Variants in ITPR1 observed in about 807,000 individuals in gnomAD.
The protein encoded by ITPR1 is inositol 1,4,5-trisphosphate receptor type 1.
A neutral mutation model predicts 318.4 loss-of-function variants in ITPR1; 96 were observed. The ratio of observed to expected loss-of-function variants is 0.30; its 90% CI spans 0.26 to 0.36. The LOEUF is 0.36. Ranked by LOEUF, ITPR1 falls within the 10% of genes least tolerant of loss-of-function variation. The pLI, the probability that ITPR1 is intolerant of heterozygous loss-of-function variation, is 1.00. For missense variants in ITPR1, 2,440 were observed against 3,460.2 expected, an observed-to-expected ratio of 0.71 and a Z score of 7.40; for synonymous variants, 1,312 against 1,289.9, an observed-to-expected ratio of 1.02 and a Z score of -0.37.
chr3:4,714,591 C>G (rs1398289240), intron 39 of ITPR1, among the ~76,000 whole-genome samples: 1 of 152,176 alleles, frequency 6.6e-6, no homozygotes, highest in Non-Finnish European at 1.5e-5. Context: ...CTGGGTTTCC[C>G]AAATCCCTGT....
intron 24 of ITPR1, among the ~76,000 whole-genome samples, chr3:4,677,302 T>C (rs2094204307): frequency 6.6e-6 from 1 of 152,186 alleles, no homozygotes; most frequent in African/African-American, 2.4e-5. Flanking sequence ...AGAATTTACA[T>C]TTTGATAGAG....
At chr3:4,674,112 G>A in intron 21 of ITPR1, 90 bp from the exon 22 acceptor site, 1 of 987,750 alleles carries the variant, frequency 1.0e-6, no homozygotes, top group Non-Finnish European at 1.5e-6. Context: ...AAGGGTTAGG[G>A]GATGTTGACT....
At chr3:4,844,208 C>T (rs2051584343) in intron 61 of ITPR1, among the ~76,000 whole-genome samples, 1 of 151,504 alleles carries the variant, frequency 6.6e-6, no homozygotes, top group Non-Finnish European at 1.5e-5. Flanking sequence ...GCAACCTCCA[C>T]CTGCCAGGAT....
intron 46 of ITPR1, among the ~76,000 whole-genome samples, chr3:4,770,647 A>G (rs1317148728): frequency 6.6e-6 from 1 of 152,156 alleles, no homozygotes; most frequent in Non-Finnish European, 1.5e-5. Context: ...CCCTGTCGCC[A>G]TCTGAGTGTG....
intron 4 of ITPR1, among the ~76,000 whole-genome samples, chr3:4,610,994 TCCTTC>T (rs1262601853): frequency 5.3e-4 from 44 of 83,556 alleles, no homozygotes; most frequent in African/African-American, 1.9e-3. Flanking sequence ...CTTCTCCTTC[TCCTTC>T]CCTTCCCTTC....
chr3:4,658,409 A>G (rs2125184850), intron 13 of ITPR1, 131 bp downstream of exon 13: 1 of 742,476 alleles, frequency 1.3e-6, no homozygotes, highest in Admixed American at 3.0e-5. Flanking sequence ...AAAGGTTTGC[A>G]CTGACTGCCC....
At chr3:4,575,305 A>T (rs570961940) in intron 4 of ITPR1, among the ~76,000 whole-genome samples, 1 of 152,358 alleles carries the variant, frequency 6.6e-6, no homozygotes, top group Non-Finnish European at 1.5e-5. Context: ...AATGGGATTT[A>T]TCTATCATCT....
At chr3:4,843,083 T>TC (rs1423920243) in intron 61 of ITPR1, among the ~76,000 whole-genome samples, 1 of 149,510 alleles carries the variant, frequency 6.7e-6, no homozygotes, top group Non-Finnish European at 1.5e-5. Flanking sequence ...GGTTTTTTTT[T>TC]TTTTTTTTTT....
intron 3 of ITPR1, among the ~76,000 whole-genome samples, chr3:4,518,001 T>C (rs971493708): frequency 3.9e-5 from 6 of 152,240 alleles, no homozygotes; most frequent in African/African-American, 1.4e-4. Flanking sequence ...TCATCATTGC[T>C]GTTTGTGGAG....
At chr3:4,707,999 G>A (rs2094794887) in intron 37 of ITPR1, among the ~76,000 whole-genome samples, 1 of 152,164 alleles carries the variant, frequency 6.6e-6, no homozygotes, top group Admixed American at 6.5e-5. Context: ...AAAATGGTGA[G>A]AGGGACAAGT....
At chr3:4,684,210 T>C in intron 28 of ITPR1, 71 bp from the exon 29 acceptor site, 3 of 973,022 alleles carry the variant, frequency 3.1e-6, no homozygotes, top group Non-Finnish European at 4.9e-6. Context: ...TAAAGGTCGA[T>C]GCTAACTGTA....
At chr3:4,752,616 T>G (rs1276041286) in intron 44 of ITPR1, among the ~76,000 whole-genome samples, 1 of 152,118 alleles carries the variant, frequency 6.6e-6, no homozygotes, top group Non-Finnish European at 1.5e-5. Context: ...TTGGCTTGAG[T>G]GTTTCGGAAT....
chr3:4,542,789 G>A (rs2084589006), intron 4 of ITPR1, among the ~76,000 whole-genome samples: 1 of 152,122 alleles, frequency 6.6e-6, no homozygotes, highest in South Asian at 2.1e-4. Context: ...CATAATGGAA[G>A]GTTATTAGGT....
At chr3:4,657,523 G>C (rs564170839) in intron 12 of ITPR1, among the ~76,000 whole-genome samples, 1 of 150,024 alleles carries the variant, frequency 6.7e-6, no homozygotes, top group African/African-American at 2.5e-5. Flanking sequence ...GCTGAAATGC[G>C]GTGGCGCGAT....
intron 60 of ITPR1, among the ~76,000 whole-genome samples, chr3:4,834,242 A>G (rs921742549): frequency 1.3e-5 from 2 of 152,154 alleles, no homozygotes; most frequent in African/African-American, 4.8e-5. Context: ...AATTGTAAGC[A>G]CTTTGATGGC....
chr3:4,834,091 C>A (rs894437401), intron 60 of ITPR1, among the ~76,000 whole-genome samples: 1 of 152,138 alleles, frequency 6.6e-6, no homozygotes, highest in Admixed American at 6.5e-5. Context: ...TGGAGTCTCA[C>A]TCTATTGCCC....
chr3:4,642,507 AC>A (rs916712741), intron 7 of ITPR1, among the ~76,000 whole-genome samples: 1 of 152,222 alleles, frequency 6.6e-6, no homozygotes, highest in African/African-American at 2.4e-5. Flanking sequence ...TAGGAACTTT[AC>A]CACAAAAACA....
At chr3:4,684,433 A>G in intron 29 of ITPR1, 87 bp downstream of exon 29, 1 of 930,808 alleles carries the variant, frequency 1.1e-6, no homozygotes, top group Admixed American at 2.1e-5. Flanking sequence ...GAAGGTACAC[A>G]CATTTGAGCT....
At chr3:4,627,341 G>A (rs1359030639) in intron 4 of ITPR1, among the ~76,000 whole-genome samples, 2 of 152,316 alleles carry the variant, frequency 1.3e-5, no homozygotes, top group East Asian at 3.9e-4. Context: ...GCATGTGCCT[G>A]TAGTCCCAGC....
Sources: gnomAD v4.1 joint callset for allele counts (sites outside exome capture counted in the v4.1 genomes callset) on GRCh38, gnomAD v4.1.1 for gene constraint, MANE v1.5 for transcripts, NCBI Gene and HGNC (gene_info 2026-07-23, HGNC 2026-07-21) for gene names.